CAMTA1: variants seen among roughly 807,000 people sequenced by gnomAD.
The protein encoded by CAMTA1 is calmodulin-binding transcription activator 1.
Under a neutral mutation model 170.9 loss-of-function variants are expected in CAMTA1, and 27 were observed. That is an observed-to-expected ratio of 0.16 (90% CI 0.12 to 0.22). The LOEUF (loss-of-function observed/expected upper bound fraction) is 0.22, where lower values mean the gene tolerates loss of function less well. Ranked by LOEUF, CAMTA1 falls within the 10% of genes least tolerant of loss-of-function variation. CAMTA1 has a pLI of 1.00. For synonymous variants in CAMTA1, 833 were observed against 891.5 expected (o/e 0.93, Z 1.17); for missense variants, 1,619 against 2,217.2 (o/e 0.73, Z 5.42).
intron 5 of CAMTA1, among the ~76,000 whole-genome samples, chr1:7,291,543 T>C (rs1429709192): frequency 1.3e-5 from 2 of 152,258 alleles, no homozygotes; most frequent in South Asian, 2.1e-4. Context: ...GGTCAGCTTG[T>C]CTTCTGGGCC....
intron 3 of CAMTA1, among the ~76,000 whole-genome samples, chr1:6,907,096 T>A (rs1001370482): frequency 6.6e-6 from 1 of 152,208 alleles, no homozygotes; most frequent in Admixed American, 6.5e-5. Flanking sequence ...TTTAAATATA[T>A]GTGATTTGTC....
Position 6,918,268 on chromosome 1 carries a change from G to T in CAMTA1, c.234+93058G>T, listed in dbSNP as rs1180576592. 6.6e-6 allele frequency among the ~76,000 whole-genome samples: 1 copy of T among 152,174 alleles called. No homozygotes were observed. Among genetic ancestry groups the T allele is most frequent in the Non-Finnish European group, 1.5e-5 (1 of 68,018 alleles). ...GCTGCTTCTGGAGAGTACTGAAGAA[G>T]AATAATATTTTTTTAATCTAAAAGA... On this transcript the variant is annotated intron_variant, in intron 3 of 22. Transcript: ENST00000303635. The surrounding 1 kb of genome is among the most constrained non-coding windows in gnomAD (Gnocchi z 4.0).
chr1:7,480,263 G>GTA (rs879472960), intron 6 of CAMTA1, among the ~76,000 whole-genome samples: 8,266 of 151,504 alleles, frequency 0.055, 253 homozygotes, highest in South Asian at 0.13. Context: ...ATGTGTGTAT[G>GTA]TGTGTGAGTG....
At chr1:7,553,625 G>T (rs2150200461) in intron 6 of CAMTA1, among the ~76,000 whole-genome samples, 1 of 152,370 alleles carries the variant, frequency 6.6e-6, no homozygotes, top group Middle Eastern at 3.4e-3. Flanking sequence ...TGGAGGCCCA[G>T]ATGGGGGTGC....
In CAMTA1 at chr1:7,071,524, A is replaced by G. The variant is rs375573802; in HGVS notation, c.235-19780A>G. 7.9e-5 allele frequency among the ~76,000 whole-genome samples: 12 copies of G among 152,320 alleles called. No homozygotes were observed. The East Asian group carries it at 1.7e-3, about 22-fold the overall frequency. On this transcript the variant is annotated intron_variant, in intron 3 of 22. Coordinates refer to ENST00000303635, the MANE Select transcript of CAMTA1 (RefSeq NM_015215.4). Reference sequence around the variant, plus strand: ...AAATCTATTTTTTAAAAATAAACGGACTATAGTTTTACAAGGTGATGTGTA... The same window carrying G: ...AAATCTATTTTTTAAAAATAAACGGGCTATAGTTTTACAAGGTGATGTGTA...
intron 3 of CAMTA1, among the ~76,000 whole-genome samples, chr1:6,879,561 C>T (rs1022106095): frequency 6.6e-5 from 10 of 151,918 alleles, no homozygotes; most frequent in Admixed American, 6.5e-5. Context: ...GAACATGTAA[C>T]CTTTGAGTAT....
At chr1:7,492,503 AAGAG>A (rs1021397458) in intron 6 of CAMTA1, among the ~76,000 whole-genome samples, 1 of 152,160 alleles carries the variant, frequency 6.6e-6, no homozygotes, top group Non-Finnish European at 1.5e-5. Flanking sequence ...ATGGCCATGA[AAGAG>A]AGAGAGCTCA....
At chr1:7,186,973 T>C (rs1224701215) in intron 4 of CAMTA1, among the ~76,000 whole-genome samples, 2 of 151,934 alleles carry the variant, frequency 1.3e-5, no homozygotes, top group Non-Finnish European at 2.9e-5. Flanking sequence ...TTCAGAGTCT[T>C]CTTAGTAGGG....
chr1:7,362,321 T>C (rs2085599871), intron 5 of CAMTA1, among the ~76,000 whole-genome samples: 1 of 152,102 alleles, frequency 6.6e-6, no homozygotes, highest in Non-Finnish European at 1.5e-5. Flanking sequence ...TGGGTAGAAC[T>C]GGTGGACTTG....
intron 4 of CAMTA1, among the ~76,000 whole-genome samples, chr1:7,118,334 C>T (rs1188440785): frequency 2.7e-5 from 4 of 148,970 alleles, no homozygotes; most frequent in Non-Finnish European, 5.9e-5. Context: ...GCTCTGCCAC[C>T]CAGGCTGGAG....
chr1:6,835,431 G>A (rs1184131551), intron 3 of CAMTA1, among the ~76,000 whole-genome samples: 2 of 152,150 alleles, frequency 1.3e-5, no homozygotes, highest in African/African-American at 4.8e-5. Context: ...TGGTTGGAAG[G>A]AAAAAGGAAG....
chr1:7,120,009 G>A (rs1644550057), intron 4 of CAMTA1, among the ~76,000 whole-genome samples: 2 of 152,070 alleles, frequency 1.3e-5, no homozygotes, highest in Admixed American at 6.5e-5. Context: ...CAACCACCCC[G>A]AGATAGGTAT....
At chr1:7,607,833 A>G (rs184272513) in intron 6 of CAMTA1, among the ~76,000 whole-genome samples, 2 of 152,368 alleles carry the variant, frequency 1.3e-5, no homozygotes, top group Non-Finnish European at 2.9e-5. Flanking sequence ...TAGATTCTAT[A>G]GAGAAGCAGA....
intron 5 of CAMTA1, among the ~76,000 whole-genome samples, chr1:7,254,271 G>C (rs1667042337): frequency 6.6e-6 from 1 of 152,170 alleles, no homozygotes; most frequent in African/African-American, 2.4e-5. Flanking sequence ...GGCCCTCTCG[G>C]CTCTTAAGGC....
Position 7,641,796 on chromosome 1 carries a change from G to C in CAMTA1, c.664+1243G>C, listed in dbSNP as rs1384909103. Among the ~76,000 whole-genome samples the C allele has an allele frequency of 6.6e-6, 1 of 152,104 alleles. No homozygotes were observed. Among genetic ancestry groups the C allele is most frequent in the East Asian group, 1.9e-4 (1 of 5,188 alleles). On this transcript the variant is annotated intron_variant, in intron 7 of 22. Coordinates refer to ENST00000303635, the MANE Select transcript of CAMTA1 (RefSeq NM_015215.4). This position sits in a 1 kb window ranked among gnomAD's most constrained non-coding sequence, Gnocchi z 4.5. The stretch of plus-strand genomic sequence containing the variant: ...TCAGTGCTTCTGCCTGGAACCTCGA[G>C]GCAGGCAGCCCAGGGACCTCCTGAG...
intron 3 of CAMTA1, among the ~76,000 whole-genome samples, chr1:6,896,418 G>A (rs186887979): frequency 2.0e-5 from 3 of 152,286 alleles, no homozygotes; most frequent in Non-Finnish European, 2.9e-5. Context: ...TCCAGCCTTC[G>A]GAGCCAGATA....
rs147112817 is a variant in CAMTA1, at chr1:7,452,033, A to T, written c.439-15797A>T. Among the ~76,000 whole-genome samples, 660 of 152,340 alleles carry T rather than the reference A, an allele frequency of 4.3e-3. 2 individuals are homozygous for T. Among genetic ancestry groups the T allele is most frequent in the African/African-American group, 0.015 (616 of 41,578 alleles). On this transcript the variant is annotated intron_variant, in intron 5 of 22. Coordinates refer to ENST00000303635, the MANE Select transcript of CAMTA1 (RefSeq NM_015215.4). ...GTGCTGAGGTTTGGACCTCAGGCTCACTGGGCTAGGCTACACAGAACACCA... is the reference window on the plus strand; with the variant it reads ...GTGCTGAGGTTTGGACCTCAGGCTCTCTGGGCTAGGCTACACAGAACACCA...
intron 6 of CAMTA1, among the ~76,000 whole-genome samples, chr1:7,584,058 G>T (rs1000622092): frequency 6.6e-6 from 1 of 152,188 alleles, no homozygotes; most frequent in African/African-American, 2.4e-5. Context: ...AACCCTTAGG[G>T]TGGGGACTCT....
At position 7,326,708 on chromosome 1, in the gene CAMTA1, C is replaced by T. The variant is rs192422053; in HGVS notation, c.438+77082C>T. On this transcript the variant is annotated intron_variant, in intron 5 of 22. Transcript: ENST00000303635. ...AGCCTTCAGAGAGAACATGGCCCTG[C>T]CAGCACCTTGATTTCAGACTTAAGA... is the stretch of plus-strand genomic sequence containing the variant. 4.6e-5 allele frequency among the ~76,000 whole-genome samples: 7 copies of T among 152,282 alleles called. 1 individual carries two copies. The East Asian group carries it at 1.3e-3, about 29-fold the overall frequency.
Sources: allele counts gnomAD v4.1 joint callset (sites outside exome capture counted in the v4.1 genomes callset), GRCh38; gene constraint gnomAD v4.1.1; non-coding constraint Gnocchi (gnomAD v3.1); transcripts MANE v1.5; gene names NCBI Gene and HGNC (gene_info 2026-07-23, HGNC 2026-07-21).